MRPS10: variants seen among roughly 807,000 people sequenced by gnomAD.
The protein encoded by MRPS10 is mitochondrial ribosomal protein S10.
Under a neutral mutation model 27.5 loss-of-function variants are expected in MRPS10, and 23 were observed. That is an observed-to-expected ratio of 0.84 (90% CI 0.60 to 1.18). MRPS10 has a LOEUF of 1.18. Ranked by LOEUF, MRPS10 falls within the 50% of genes most tolerant of loss-of-function variation. MRPS10 has a pLI of 0.00. For synonymous variants in MRPS10, 88 were observed against 84.2 expected (o/e 1.04, Z -0.25); for missense variants, 237 against 240.1 (o/e 0.99, Z 0.09).
Position 42,208,853 on chromosome 6 carries a change from T to C in MRPS10, c.522+5A>G, listed in dbSNP as rs368890382. 129 of 1,588,768 alleles carry C rather than the reference T, an allele frequency of 8.1e-5. 1 individual carries two copies. The highest frequency in any genetic ancestry group is 6.4e-4 in the South Asian group (58 of 90,272). ...CACCGAAAGAGGCAGAAATTCAAGC[T>C]ATACCTTTGTTACTTCCATGGCAAC... On this transcript the variant is annotated splice_donor_5th_base_variant and intron_variant, in intron 6 of 6. Coordinates refer to ENST00000053468, the MANE Select transcript of MRPS10 (RefSeq NM_018141.4).
At position 42,211,883 on chromosome 6, in the gene MRPS10, T is replaced by G. The variant is rs1562072823; in HGVS notation, c.221A>C (p.Lys74Thr). The G allele has an allele frequency of 6.2e-7, 1 of 1,613,940 alleles. No individual in the cohort carries two copies. The highest frequency in any genetic ancestry group is 8.5e-7 in the Non-Finnish European group (1 of 1,179,914). ...ACCTTTCACCAAAACCGAGAGGCGC[T>G]TATATAATATGTCTGGTTCATCAGA... ...TISDEPDILYKRLSVLVKGHD... is the reference protein window; with the variant it reads ...TISDEPDILYTRLSVLVKGHD... The change falls in exon 4 of 7, where the codon AAG (lysine) becomes ACG (threonine). Residue 74 changes from lysine (K) to threonine (T), a missense_variant. Lys to Thr is a moderately conservative substitution (Grantham distance 78, BLOSUM62 -1). Around this residue, in one of 3 missense-constraint regions of MRPS10, gnomAD observed 164 missense variants for 137.8 expected, o/e 1.19. Transcript: ENST00000053468.
intron 5 of MRPS10, 35 bp from the exon 6 acceptor site, chr6:42,208,982 C>G (rs1432385274): frequency 7.1e-7 from 1 of 1,402,140 alleles, no homozygotes. Context: ...TTCATGTAAG[C>G]TGTTTGTTAA....
At position 42,211,932 on chromosome 6, in the gene MRPS10, A is replaced by G; in HGVS notation, c.187-15T>C. The G allele has an allele frequency of 6.2e-7, 1 of 1,601,654 alleles. No homozygotes were observed. The highest frequency in any genetic ancestry group is 8.5e-7 in the Non-Finnish European group (1 of 1,176,606). On this transcript the variant is annotated splice_polypyrimidine_tract_variant and intron_variant, in intron 3 of 6. Coordinates refer to ENST00000053468, the MANE Select transcript of MRPS10 (RefSeq NM_018141.4). ...GAGATTGTTACCTAAAATCCAAAAG[A>G]AAAGTTTCAGTTTTAGTTCCTCTTC...
intron 3 of MRPS10, among the ~76,000 whole-genome samples, chr6:42,212,195 G>A (rs1471960579): frequency 1.3e-5 from 2 of 152,174 alleles, no homozygotes. Flanking sequence ...TAACGATTCA[G>A]CTTCAAATTC....
chr6:42,217,735 G>A, intron 1 of MRPS10, 67 bp downstream of exon 1: 2 of 1,533,538 alleles, frequency 1.3e-6, no homozygotes, highest in Non-Finnish European at 1.8e-6. Context: ...CAGAGCGGCT[G>A]GTGGCAGGGA....
At chr6:42,216,379 A>AGTGTGT (rs1479117624) in intron 1 of MRPS10, among the ~76,000 whole-genome samples, 688 of 33,730 alleles carry the variant, frequency 0.02, 9 homozygotes, top group African/African-American at 0.044. Flanking sequence ...AGAGAGAGAG[A>AGTGTGT]GAGAGAGTGT....
Position 42,217,806 on chromosome 6 carries a change from C to CA in MRPS10, c.43dup (p.Trp15LeufsTer13). On this transcript the variant is annotated frameshift_variant, in exon 1 of 7. Coordinates refer to ENST00000053468, the MANE Select transcript of MRPS10 (RefSeq NM_018141.4). LOFTEE classifies it high-confidence loss of function. ...TCTCCCTAGCCAATCCAGTACCTGC[C>CA]AGAGGCGCCGGCACACAGCACCGAA... 4 of 1,614,148 alleles carry CA rather than the reference C, an allele frequency of 2.5e-6. No individual in the cohort carries two copies. Among genetic ancestry groups the CA allele is most frequent in the Non-Finnish European group, 3.4e-6 (4 of 1,180,020 alleles).
chr6:42,208,403 T>C (rs764986997), intron 6 of MRPS10, 31 bp from the exon 7 acceptor site: 1 of 1,469,580 alleles, frequency 6.8e-7, no homozygotes, highest in Non-Finnish European at 9.4e-7. Context: ...AACTATAATG[T>C]GGATTTAACA....
rs114719799 is a variant in MRPS10, at chr6:42,212,489, G to A, written c.187-572C>T. On this transcript the variant is annotated intron_variant, in intron 3 of 6. Coordinates refer to ENST00000053468, the MANE Select transcript of MRPS10 (RefSeq NM_018141.4). Reference sequence around the variant, plus strand: ...TCATATTTTTTATTAGGTTTTATTCGCGTATGTTTTGTCTGCCCTAATAAA... The same window carrying A: ...TCATATTTTTTATTAGGTTTTATTCACGTATGTTTTGTCTGCCCTAATAAA... Among the ~76,000 whole-genome samples, 875 of 152,028 alleles carry A rather than the reference G, an allele frequency of 5.8e-3. 6 individuals carry two copies. The highest frequency in any genetic ancestry group is 0.019 in the African/African-American group (804 of 41,422).
intron 1 of MRPS10, among the ~76,000 whole-genome samples, chr6:42,216,907 C>G (rs984168170): frequency 1.3e-5 from 2 of 152,178 alleles, no homozygotes; most frequent in Non-Finnish European, 2.9e-5. Context: ...GAAATCAAAA[C>G]TATTTTCATA....
At chr6:42,217,181 A>C (rs1768965796) in intron 1 of MRPS10, among the ~76,000 whole-genome samples, 1 of 152,218 alleles carries the variant, frequency 6.6e-6, no homozygotes, top group Non-Finnish European at 1.5e-5. Flanking sequence ...AAATCAATAT[A>C]TATTCTTAAG....
Position 42,211,761 on chromosome 6 carries a change from T to C in MRPS10, c.323+20A>G, listed in dbSNP as rs754315173. 1 of 1,605,260 alleles carries C rather than the reference T, an allele frequency of 6.2e-7. No homozygotes were observed. Among genetic ancestry groups the C allele is most frequent in the Non-Finnish European group, 8.5e-7 (1 of 1,176,318 alleles). On this transcript the variant is annotated intron_variant, in intron 4 of 6. Transcript: ENST00000053468. ...ATATTACAGCAGCGAACAGGTCGGG[T>C]CAGGAAAGGCCATACTCACACTTTA...
intron 1 of MRPS10, among the ~76,000 whole-genome samples, chr6:42,216,385 A>AGTGTGTGTGTGTGTGTGTGTGTGTGT (rs1225590522): frequency 5.5e-4 from 32 of 58,608 alleles, no homozygotes; most frequent in Middle Eastern, 7.7e-3. Flanking sequence ...AGAGAGAGAG[A>AGTGTGTGTGTGTGTGTGTGTGTGTGT]GTGTGTGTGT....
chr6:42,214,134 AATCCTTTGGAAC>A lies in MRPS10; in HGVS notation c.160_171del (p.Val54_Asp57del). 4 of 1,612,390 alleles carry A rather than the reference AATCCTTTGGAAC, an allele frequency of 2.5e-6. No individual in the cohort carries two copies. The highest frequency in any genetic ancestry group is 3.4e-6 in the Non-Finnish European group (4 of 1,179,246). On this transcript the variant is annotated inframe_deletion, in exon 3 of 7. Transcript: ENST00000053468. ...GGAGTACATACCACAGGTTTGGTCA[AATCCTTTGGAAC>A]ATCAACGTGTAGGTTTGAAAACTGT...
intron 3 of MRPS10, among the ~76,000 whole-genome samples, chr6:42,213,815 C>T (rs1768846709): frequency 6.6e-6 from 1 of 152,178 alleles, no homozygotes; most frequent in South Asian, 2.1e-4. Context: ...TTTTCCATAA[C>T]ATAAATCAAG....
At chr6:42,211,946 T>G in intron 3 of MRPS10, 29 bp from the exon 4 acceptor site, 1 of 1,597,938 alleles carries the variant, frequency 6.3e-7, no homozygotes, top group Non-Finnish European at 8.5e-7. Flanking sequence ...GTTTCAGTTT[T>G]AGTTCCTCTT....
At position 42,208,136 on chromosome 6, in the gene MRPS10, C is replaced by A; in HGVS notation, c.*153G>T. The A allele has an allele frequency of 1.5e-6, 1 of 649,074 alleles. No individual in the cohort carries two copies. 40.2% of individuals were successfully genotyped at this position (649,074 alleles called of 1,614,324 possible). On this transcript the variant is annotated 3_prime_UTR_variant, in exon 7 of 7. Transcript: ENST00000053468. ...TAAAAGTGGTTCTTCCATTAAAGTT[C>A]CATTCCCTGCCCTCAGCTGATGAGG...
chr6:42,214,710 G>A (rs1433347047), intron 1 of MRPS10, among the ~76,000 whole-genome samples: 5 of 152,110 alleles, frequency 3.3e-5, no homozygotes, highest in African/African-American at 1.2e-4. Flanking sequence ...TATTTTGCCT[G>A]AATATCTTTA....
chr6:42,215,003 A>G (rs374573507), intron 1 of MRPS10, among the ~76,000 whole-genome samples: 489 of 152,324 alleles, frequency 3.2e-3, no homozygotes, highest in African/African-American at 0.011. Context: ...ACTACTACAT[A>G]TAACAGCTGT....
Sources: allele counts gnomAD v4.1 joint callset (sites outside exome capture counted in the v4.1 genomes callset), GRCh38; gene constraint gnomAD v4.1.1; regional missense constraint gnomAD v4.1.1; transcripts MANE v1.5; gene names NCBI Gene and HGNC (gene_info 2026-07-23, HGNC 2026-07-21).